COG6: variants seen among roughly 807,000 people sequenced by gnomAD.
The protein encoded by COG6 is component of oligomeric golgi complex 6.
Under a neutral mutation model 88.8 loss-of-function variants are expected in COG6, and 74 were observed. That is an observed-to-expected ratio of 0.83 (90% CI 0.69 to 1.01). COG6 has a LOEUF of 1.01. Ranked by LOEUF, COG6 falls within the 50% of genes least tolerant of loss-of-function variation. The pLI is 0.00. For missense variants in COG6, 800 were observed against 797.9 expected (o/e 1.00, Z -0.03); for synonymous variants, 286 against 278.7 (o/e 1.03, Z -0.26).
At chr13:39,735,764 G>C (rs1879712628) in intron 18 of COG6, among the ~76,000 whole-genome samples, 1 of 129,918 alleles carries the variant, frequency 7.7e-6, no homozygotes, top group Admixed American at 8.2e-5. Flanking sequence ...ATGTTTATAA[G>C]ATCTTTTCAC....
chr13:39,681,465 A>G (rs927764467), intron 7 of COG6, among the ~76,000 whole-genome samples: 8 of 152,158 alleles, frequency 5.3e-5, no homozygotes, highest in African/African-American at 1.4e-4. Flanking sequence ...AGTGGTTCCC[A>G]ACTGTGGGCT....
Position 39,719,795 on chromosome 13 carries a change from A to C in COG6, c.1552A>C (p.Thr518Pro), listed in dbSNP as rs766983047. Reference sequence around the variant, plus strand: ...GACAACATTAGCTCTATTTGAATTCACTGACAGACGTCTGGAAATGCTACA... The same window carrying C: ...GACAACATTAGCTCTATTTGAATTCCCTGACAGACGTCTGGAAATGCTACA... ...MKTTLALFEF[T>P]DRRLEMLQFQ... The change falls in exon 15 of 19, where the codon ACT becomes CCT. Residue 518 changes from threonine to proline, a missense_variant. Coordinates refer to ENST00000455146, the MANE Select transcript of COG6 (RefSeq NM_020751.3). The C allele has an allele frequency of 3.1e-6, 5 of 1,612,546 alleles. No individual in the cohort carries two copies.
At chr13:39,670,651 CT>C (rs568488991) in intron 4 of COG6, among the ~76,000 whole-genome samples, 1 of 152,002 alleles carries the variant, frequency 6.6e-6, no homozygotes, top group Admixed American at 6.5e-5. Flanking sequence ...ACTGTTGCCC[CT>C]CCCTAGTCCT....
rs147563535 is a variant in COG6, at chr13:39,719,274, A to G, written c.1323A>G (p.Ala441=). The part of the protein sequence containing the change: ...LPPPDLGPSS[A]LNQTLMLLRE... The stretch of plus-strand genomic sequence containing the variant: ...CACCTGATCTTGGACCAAGTTCTGC[A>G]CTAAATCAGACACTCATGTTGCTGC... Residue 441 remains alanine, a synonymous_variant, in exon 14 of 19, where the codon GCA becomes GCG. Coordinates refer to ENST00000455146, the MANE Select transcript of COG6 (RefSeq NM_020751.3). 1 of 1,612,848 alleles carries G rather than the reference A, an allele frequency of 6.2e-7. No homozygotes were observed. The highest frequency in any genetic ancestry group is 8.5e-7 in the Non-Finnish European group (1 of 1,179,160).
chr13:39,717,724 G>T (rs1878604851), intron 13 of COG6, among the ~76,000 whole-genome samples: 1 of 152,040 alleles, frequency 6.6e-6, no homozygotes, highest in African/African-American at 2.4e-5. Context: ...AATTAGCGAG[G>T]CTTGGTGGCA....
At chr13:39,754,159 T>C (rs768362752), downstream of COG6, among the ~76,000 whole-genome samples, 56 of 152,184 alleles carry the variant, frequency 3.7e-4, no homozygotes, top group Non-Finnish European at 1.5e-4. Flanking sequence ...CCCTGGCTCT[T>C]TTGCCTCTAT....
intron 1 of COG6, 125 bp downstream of exon 1, chr13:39,656,004 C>G: frequency 8.1e-7 from 1 of 1,235,138 alleles, no homozygotes; most frequent in South Asian, 1.3e-5. Context: ...GCGAGTGACC[C>G]CAGACCTGCG....
rs990922550 is a variant in COG6 at position 39,682,244 on chromosome 13, G to A, written c.768G>A (p.Gln256=). ...TGACACAGGCAATGGAAGCCCTGCA[G>A]GACAGACCTGTCTTATATAAGTTGG... ...PVLTQAMEAL[Q]DRPVLYKYTL... The change falls in exon 8 of 19, where the codon CAG becomes CAA. Residue 256 remains glutamine (Q), a synonymous_variant. Transcript: ENST00000455146. 2.5e-6 allele frequency: 4 copies of A among 1,609,026 alleles called. No individual in the cohort carries two copies. The highest frequency in any genetic ancestry group is 3.4e-6 in the Non-Finnish European group (4 of 1,175,544).
intron 18 of COG6, chr13:39,788,330 C>T: frequency 6.4e-7 from 1 of 1,551,792 alleles, no homozygotes; most frequent in Non-Finnish European, 8.7e-7. Context: ...GGCATTTGCT[C>T]ACAGGCGTCC....
chr13:39,738,694 G>T (rs1056687440), intron 18 of COG6, among the ~76,000 whole-genome samples: 21 of 152,132 alleles, frequency 1.4e-4, no homozygotes, highest in African/African-American at 4.8e-4. Context: ...TAGTTTAAAA[G>T]GATGACAAAA....
intron 3 of COG6, among the ~76,000 whole-genome samples, chr13:39,664,512 C>T (rs4551909): frequency 0.66 from 100,486 of 152,022 alleles, 33,434 homozygotes; most frequent in Admixed American, 0.77. Context: ...AATTGACTTT[C>T]CACTTTTGAT....
At chr13:39,695,935 A>G (rs1284495123) in intron 12 of COG6, among the ~76,000 whole-genome samples, 1 of 152,026 alleles carries the variant, frequency 6.6e-6, no homozygotes, top group African/African-American at 2.4e-5. Context: ...GCTGTGTTAT[A>G]AAAAGATGCT....
At chr13:39,686,488 C>T (rs557986136) in intron 8 of COG6, among the ~76,000 whole-genome samples, 10 of 152,246 alleles carry the variant, frequency 6.6e-5, no homozygotes, top group South Asian at 6.2e-4. Flanking sequence ...GAAAGCCTTT[C>T]CATGCCTTTT....
chr13:39,705,568 C>A (rs1352389338), intron 13 of COG6, among the ~76,000 whole-genome samples: 1 of 151,982 alleles, frequency 6.6e-6, no homozygotes, highest in Non-Finnish European at 1.5e-5. Context: ...TAGTGCAGTT[C>A]TAATTGCAAG....
intron 13 of COG6, among the ~76,000 whole-genome samples, chr13:39,713,645 A>G (rs1878364813): frequency 6.6e-6 from 1 of 152,154 alleles, no homozygotes; most frequent in Non-Finnish European, 1.5e-5. Context: ...CCAAGGCAGG[A>G]GAATGGCATG....
chr13:39,727,595 T>A, intron 18 of COG6, 47 bp downstream of exon 18: 1 of 1,314,924 alleles, frequency 7.6e-7, no homozygotes, highest in South Asian at 1.2e-5. Context: ...CACATATTTT[T>A]AAATATCAAG....
chr13:39,677,748 A>T (rs570322833), intron 5 of COG6, among the ~76,000 whole-genome samples, 169 bp downstream of exon 5: 1 of 152,210 alleles, frequency 6.6e-6, no homozygotes, highest in Non-Finnish European at 1.5e-5. Flanking sequence ...AAAGTAATAC[A>T]TGTACTTTTT....
At chr13:39,715,731 C>A (rs1417199390) in intron 13 of COG6, among the ~76,000 whole-genome samples, 1 of 151,924 alleles carries the variant, frequency 6.6e-6, no homozygotes, top group Non-Finnish European at 1.5e-5. Flanking sequence ...GAAAATAACA[C>A]TCATCTACAT....
chr13:39,678,097 C>T (rs770259168), intron 5 of COG6: 22 of 445,368 alleles, frequency 4.9e-5, no homozygotes, highest in South Asian at 3.2e-4. Context: ...GACAGGGTCT[C>T]GCTCTGTCAA....
Sources: gnomAD v4.1 joint callset for allele counts (sites outside exome capture counted in the v4.1 genomes callset) on GRCh38, gnomAD v4.1.1 for gene constraint, MANE v1.5 for transcripts, NCBI Gene and HGNC (gene_info 2026-07-23, HGNC 2026-07-21) for gene names.